The following ALG9 variants were observed in gnomAD, a reference collection of about 807,000 sequenced individuals.
ALG9 encodes ALG9 alpha-1,2-mannosyltransferase.
ALG9 carries 55 observed loss-of-function variants against 81.8 expected under a neutral mutation model. That is an observed-to-expected ratio of 0.67 (90% CI 0.54 to 0.84). ALG9 has a LOEUF of 0.84. Ranked by LOEUF, ALG9 falls within the 40% of genes least tolerant of loss-of-function variation. The pLI, the probability that ALG9 is intolerant of heterozygous loss-of-function variation, is 0.00. For missense variants in ALG9, 629 were observed against 745.0 expected, an observed-to-expected ratio of 0.84 and a Z score of 1.81; for synonymous variants, 278 against 274.3, an observed-to-expected ratio of 1.01 and a Z score of -0.13.
chr11:111,786,553 T>A (rs1485619141), intron 14 of ALG9, 33 bp from the exon 15 acceptor site: 3 of 1,611,734 alleles, frequency 1.9e-6, no homozygotes, highest in Non-Finnish European at 1.7e-6. Flanking sequence ...AAGAATTTTA[T>A]CACTTGGGAG....
chr11:111,837,626 G>C lies in ALG9; in HGVS notation c.1325-11C>G, dbSNP rs200609727. 1.6e-5 allele frequency: 26 copies of C among 1,613,608 alleles called. No individual in the cohort carries two copies. Among genetic ancestry groups the C allele is most frequent in the Non-Finnish European group, 1.7e-6 (2 of 1,179,746 alleles). ...GGGGCCCGTGATATCCTGGAAGGGAGAACAGTTAGTGAGAGCCAGAGATGA... is the reference window on the plus strand; with the variant it reads ...GGGGCCCGTGATATCCTGGAAGGGACAACAGTTAGTGAGAGCCAGAGATGA... On this transcript the variant is annotated splice_polypyrimidine_tract_variant and intron_variant, in intron 11 of 14. Transcript: ENST00000616540.
chr11:111,787,205 C>T (rs533147255), intron 14 of ALG9, among the ~76,000 whole-genome samples: 2 of 152,008 alleles, frequency 1.3e-5, no homozygotes, highest in African/African-American at 4.8e-5. Flanking sequence ...CCGAGGCAGG[C>T]AGATCATTTG....
rs929508101 is a variant in ALG9, at chr11:111,838,347, C to T, written c.1226G>A (p.Arg409His). The change falls in exon 11 of 15, where the codon CGC (arginine) becomes CAC (histidine). Residue 409 changes from arginine to histidine, a missense_variant. By Grantham distance (29) the Arg-to-His change is conservative. Transcript: ENST00000616540. The part of the protein sequence containing the change: ...KCYHFVFQRY[R>H]LEHYTVTSNW... ...CGATGTCACAGTATAGTGCTCCAGG[C>T]GATATCGTTGAAACACAAAGTGGTA... is the stretch of plus-strand genomic sequence containing the variant. 5.0e-6 allele frequency: 8 copies of T among 1,613,480 alleles called. No individual in the cohort carries two copies. In the African/African-American group the frequency reaches 5.3e-5, roughly 11 times the overall value.
chr11:111,859,209 TGAAAA>T (rs1224766902), intron 5 of ALG9, among the ~76,000 whole-genome samples: 3 of 151,896 alleles, frequency 2.0e-5, no homozygotes, highest in African/African-American at 4.8e-5. Context: ...ACCTTGCACT[TGAAAA>T]GAAAAGAGGC....
chr11:111,855,162 T>C (rs1555142285), intron 6 of ALG9, among the ~76,000 whole-genome samples: 1 of 152,182 alleles, frequency 6.6e-6, no homozygotes, highest in African/African-American at 2.4e-5. Context: ...TGACGGTATA[T>C]ATTTTAGGGT....
intron 14 of ALG9, among the ~76,000 whole-genome samples, chr11:111,800,141 C>T (rs1948883988): frequency 1.3e-5 from 2 of 151,342 alleles, no homozygotes; most frequent in Non-Finnish European, 3.0e-5. Context: ...GTAAGTTATT[C>T]AAGGGAAAAG....
At chr11:111,799,573 A>C (rs983890915) in intron 14 of ALG9, among the ~76,000 whole-genome samples, 1 of 152,126 alleles carries the variant, frequency 6.6e-6, no homozygotes, top group African/African-American at 2.4e-5. Context: ...TCAGCAAGTT[A>C]AATCAAATAA....
intron 14 of ALG9, among the ~76,000 whole-genome samples, chr11:111,804,394 AAAGGAC>A (rs1555083277): frequency 1.3e-5 from 2 of 152,206 alleles, no homozygotes. Flanking sequence ...CATATCAAAT[AAAGGAC>A]TGTTATCCAA....
downstream of ALG9, among the ~76,000 whole-genome samples, chr11:111,779,505 T>C (rs1442157821): frequency 6.6e-6 from 1 of 152,096 alleles, no homozygotes; most frequent in Non-Finnish European, 1.5e-5. Flanking sequence ...TTTCTTTTAA[T>C]TATATATGTA....
At position 111,827,607 on chromosome 11, in the gene ALG9, C is replaced by T. The variant is rs531824945; in HGVS notation, c.1602+8558G>A. Among the ~76,000 whole-genome samples the T allele has an allele frequency of 5.9e-5, 9 of 152,314 alleles. No individual in the cohort carries two copies. In the East Asian group the frequency reaches 1.7e-3, roughly 29 times the overall value. ...GATGCCCAGGCACAGTGGCTCACGC[C>T]TATAATCCCAGCACTTTGGGAGGCC... On this transcript the variant is annotated intron_variant, in intron 13 of 14. Transcript: ENST00000616540.
At chr11:111,863,376 AAAG>A (rs1961048441) in intron 4 of ALG9, among the ~76,000 whole-genome samples, 1 of 152,164 alleles carries the variant, frequency 6.6e-6, no homozygotes, top group Admixed American at 6.6e-5. Flanking sequence ...AAAATATATT[AAAG>A]TAAATTCTCA....
chr11:111,863,840 C>T (rs782580284), intron 4 of ALG9, among the ~76,000 whole-genome samples: 1 of 152,148 alleles, frequency 6.6e-6, no homozygotes, highest in African/African-American at 2.4e-5. Flanking sequence ...AATCATGATC[C>T]TGTATCTTAG....
chr11:111,868,638 T>C lies in ALG9; in HGVS notation c.369A>G (p.Pro123=). The C allele has an allele frequency of 6.2e-7, 1 of 1,614,034 alleles. No individual in the cohort carries two copies. Among genetic ancestry groups the C allele is most frequent in the Non-Finnish European group, 8.5e-7 (1 of 1,179,898 alleles). Residue 123 remains proline (P), a synonymous_variant, in exon 3 of 15, where the codon CCA becomes CCG. Transcript: ENST00000616540. ...SYAYLLLHAW[P]AAFHARILQT... ...GTAGAATTCTTGCATGAAATGCAGC[T>C]GGCCAGGCATGAAGCAACAGGTAAG...
Position 111,793,209 on chromosome 11 carries a change from C to A in ALG9, c.1734-6689G>T, listed in dbSNP as rs535249230. On this transcript the variant is annotated intron_variant, in intron 14 of 14. Transcript: ENST00000616540. ...GTTGCCCAGACTAGTCTCAAACTCC[C>A]GGGCTCAAGCAATCCTCCCACCTTG... Among the ~76,000 whole-genome samples, 4 of 152,098 alleles carry A rather than the reference C, an allele frequency of 2.6e-5. No homozygotes were observed. In the East Asian group the frequency reaches 7.7e-4, roughly 29 times the overall value.
chr11:111,816,808 G>A (rs1478265690), intron 13 of ALG9, among the ~76,000 whole-genome samples: 4 of 152,054 alleles, frequency 2.6e-5, no homozygotes, highest in Non-Finnish European at 2.9e-5. Flanking sequence ...GATTCCTCCC[G>A]CCTTGGCCTC....
intron 14 of ALG9, among the ~76,000 whole-genome samples, chr11:111,798,945 A>T (rs1279319895): frequency 6.6e-6 from 1 of 152,246 alleles, no homozygotes; most frequent in Non-Finnish European, 1.5e-5. Flanking sequence ...CAAATGGTCT[A>T]ACACCACTTA....
chr11:111,773,365 C>G, the ALG9 span, among the ~76,000 whole-genome samples: 1 of 152,180 alleles, frequency 6.6e-6, no homozygotes, highest in East Asian at 1.9e-4. Flanking sequence ...CTGCCTCAGC[C>G]TCCCAAGTAG....
At chr11:111,804,325 A>C (rs1555083197) in intron 14 of ALG9, among the ~76,000 whole-genome samples, 1 of 152,222 alleles carries the variant, frequency 6.6e-6, no homozygotes. Flanking sequence ...TGCTCTGTGA[A>C]AGACACTGTC....
rs1374663390 is a variant in ALG9 at position 111,785,115 on chromosome 11, T to C, written c.*1282A>G. The C allele has an allele frequency of 6.6e-6, 1 of 152,644 alleles. No individual in the cohort carries two copies. The highest frequency in any genetic ancestry group is 6.5e-5 in the Admixed American group (1 of 15,284). The allele number at this position is 152,644 out of a possible 1,614,324, so 9.5% of individuals were successfully genotyped here. A position where few individuals can be genotyped will look rare whatever the true frequency, so the allele number is the denominator to read the frequency against. ...GTGAGGAATATGGAGGAGCAATAGA[T>C]GAGAGTAAGGAAACCTGGGTTCCAG... On this transcript the variant is annotated 3_prime_UTR_variant, in exon 15 of 15. Transcript: ENST00000616540.
Sources: allele counts gnomAD v4.1 joint callset (sites outside exome capture counted in the v4.1 genomes callset), GRCh38; gene constraint gnomAD v4.1.1; transcripts MANE v1.5; gene names NCBI Gene and HGNC (gene_info 2026-07-23, HGNC 2026-07-21).